The following ZNF618 variants were observed in gnomAD, a reference collection of about 807,000 sequenced individuals.
ZNF618 encodes zinc finger protein 618.
In ZNF618, 34 loss-of-function variants were observed where a neutral mutation model predicts 103.0. That is an observed-to-expected ratio of 0.33 (90% CI 0.25 to 0.44). ZNF618 has a LOEUF of 0.44. ZNF618 is among the 20% of genes least tolerant of loss of function. The pLI is 1.00. For synonymous variants in ZNF618, 551 were observed against 542.2 expected (o/e 1.02, Z -0.23); for missense variants, 1,059 against 1,295.4 (o/e 0.82, Z 2.80).
chr9:113,935,781 T>C (rs1299267282), intron 1 of ZNF618, among the ~76,000 whole-genome samples: 3 of 152,154 alleles, frequency 2.0e-5, no homozygotes, highest in Non-Finnish European at 4.4e-5. Context: ...CTGTGCTGTG[T>C]ACTCAGGACC....
At chr9:113,932,445 T>G (rs957616420) in intron 1 of ZNF618, among the ~76,000 whole-genome samples, 3 of 152,052 alleles carry the variant, frequency 2.0e-5, no homozygotes, top group Non-Finnish European at 1.5e-5. Flanking sequence ...CAGGATCCAA[T>G]TTACATTTTA....
chr9:113,924,646 T>G (rs1832922826), intron 1 of ZNF618, among the ~76,000 whole-genome samples: 1 of 151,802 alleles, frequency 6.6e-6, no homozygotes, highest in African/African-American at 2.4e-5. Context: ...ATTATTGATT[T>G]TATATTGCAT....
intron 1 of ZNF618, among the ~76,000 whole-genome samples, chr9:113,952,449 G>A (rs933048374): frequency 2.0e-5 from 3 of 152,126 alleles, no homozygotes; most frequent in Admixed American, 1.3e-4. Context: ...GAAGCATACC[G>A]CCTCAGGACT....
At chr9:113,955,710 C>T (rs1836217565) in intron 1 of ZNF618, among the ~76,000 whole-genome samples, 1 of 151,966 alleles carries the variant, frequency 6.6e-6, no homozygotes, top group African/African-American at 2.4e-5. Flanking sequence ...ATCTACTTTG[C>T]CCTTCTGTAA....
At chr9:113,884,634 C>T (rs1239631066) in intron 1 of ZNF618, among the ~76,000 whole-genome samples, 2 of 152,058 alleles carry the variant, frequency 1.3e-5, no homozygotes, top group Admixed American at 1.3e-4. Flanking sequence ...CCTCAGAGTC[C>T]TTAGTATTAT....
At chr9:113,932,192 CCT>C (rs1157047430) in intron 1 of ZNF618, among the ~76,000 whole-genome samples, 4 of 152,158 alleles carry the variant, frequency 2.6e-5, no homozygotes, top group Non-Finnish European at 4.4e-5. Flanking sequence ...TCAGGAAAGA[CCT>C]CTCTGATAAA....
At position 113,998,250 on chromosome 9, in the gene ZNF618, G is replaced by A. The variant is rs967278849; in HGVS notation, c.338-9G>A. The A allele has an allele frequency of 5.6e-5, 87 of 1,549,910 alleles. No individual in the cohort carries two copies. In the East Asian group the frequency reaches 8.6e-4, roughly 15 times the overall value. On this transcript the variant is annotated splice_polypyrimidine_tract_variant and intron_variant, in intron 3 of 14. Transcript: ENST00000374126. ...TTAAGGGCTCTTTCTGATTTCTTACGTAATTCAGATGGAAAAGCGCCCGAA... is the reference window on the plus strand; with the variant it reads ...TTAAGGGCTCTTTCTGATTTCTTACATAATTCAGATGGAAAAGCGCCCGAA...
intron 1 of ZNF618, among the ~76,000 whole-genome samples, chr9:113,968,484 T>C (rs1040297104): frequency 2.6e-5 from 4 of 152,180 alleles, no homozygotes; most frequent in African/African-American, 4.8e-5. Flanking sequence ...GAGGTCCCCC[T>C]GAGCACTGGT....
intron 1 of ZNF618, among the ~76,000 whole-genome samples, chr9:113,966,070 T>C (rs1041375785): frequency 1.3e-5 from 2 of 152,212 alleles, no homozygotes; most frequent in African/African-American, 4.8e-5. Context: ...TGCCTCAGTT[T>C]CCTAGACCCA....
chr9:114,037,228 G>A (rs1217524814), intron 13 of ZNF618, among the ~76,000 whole-genome samples: 1 of 152,078 alleles, frequency 6.6e-6, no homozygotes, highest in African/African-American at 2.4e-5. Context: ...TAGTTGGGTG[G>A]CTTCCACATG....
chr9:114,035,662 G>A (rs1432358526), intron 12 of ZNF618, among the ~76,000 whole-genome samples: 1 of 149,856 alleles, frequency 6.7e-6, no homozygotes. Flanking sequence ...AGGCACTGAC[G>A]TGAGTGCTAA....
At chr9:113,984,835 C>T (rs1464096230) in intron 2 of ZNF618, among the ~76,000 whole-genome samples, 1 of 152,178 alleles carries the variant, frequency 6.6e-6, no homozygotes, top group Non-Finnish European at 1.5e-5. Flanking sequence ...GAATACACAT[C>T]GTTCACTATC....
chr9:113,950,491 T>A (rs989125302), intron 1 of ZNF618, among the ~76,000 whole-genome samples: 1 of 152,176 alleles, frequency 6.6e-6, no homozygotes, highest in Admixed American at 6.5e-5. Context: ...CTTGGGGAGA[T>A]TGGAAGCCAG....
intron 9 of ZNF618, among the ~76,000 whole-genome samples, chr9:114,013,758 G>A (rs1842443493): frequency 6.6e-6 from 1 of 152,172 alleles, no homozygotes; most frequent in Non-Finnish European, 1.5e-5. Flanking sequence ...AAAGGAAGGA[G>A]GAATTGGGGA....
At chr9:113,907,032 G>A (rs1180968982) in intron 1 of ZNF618, among the ~76,000 whole-genome samples, 1 of 152,230 alleles carries the variant, frequency 6.6e-6, no homozygotes, top group Non-Finnish European at 1.5e-5. Flanking sequence ...AGTAGTCCTG[G>A]AGGAAAGAGA....
At chr9:113,983,299 A>C (rs1006540) in intron 2 of ZNF618, among the ~76,000 whole-genome samples, 88,053 of 152,108 alleles carry the variant, frequency 0.58, 25,716 homozygotes, top group Middle Eastern at 0.78. Flanking sequence ...ATAAGTACTT[A>C]TGTGATTCCA....
intron 1 of ZNF618, among the ~76,000 whole-genome samples, chr9:113,883,982 GCCCCCCCCCCCCCC>G (rs558766678): frequency 0.011 from 339 of 29,724 alleles, 49 homozygotes; most frequent in African/African-American, 0.05. Context: ...TCTGGGCTTG[GCCCCCCCCCCCCCC>G]CCCCCCGCCC....
chr9:114,036,892 T>G (rs1844663096), intron 13 of ZNF618, among the ~76,000 whole-genome samples: 1 of 152,230 alleles, frequency 6.6e-6, no homozygotes, highest in Non-Finnish European at 1.5e-5. Context: ...CAGGAGGGCT[T>G]GCTTGAGCAC....
At chr9:114,032,072 C>T (rs1021164031) in intron 11 of ZNF618, among the ~76,000 whole-genome samples, 70 of 152,196 alleles carry the variant, frequency 4.6e-4, no homozygotes, top group African/African-American at 1.7e-3. Context: ...CCATCCCTTC[C>T]GCTGGGGGAA....
Sources: allele counts gnomAD v4.1 joint callset (sites outside exome capture counted in the v4.1 genomes callset), GRCh38; gene constraint gnomAD v4.1.1; transcripts MANE v1.5; gene names NCBI Gene and HGNC (gene_info 2026-07-23, HGNC 2026-07-21).